The following SLC4A4 variants were observed in gnomAD, a reference collection of about 807,000 sequenced individuals.
The protein encoded by SLC4A4 is solute carrier family 4 member 4, also known as electrogenic sodium bicarbonate cotransporter 1.
A neutral mutation model predicts 111.5 loss-of-function variants in SLC4A4; 27 were observed. The ratio of observed to expected loss-of-function variants is 0.24; its 90% CI spans 0.18 to 0.33. The LOEUF (loss-of-function observed/expected upper bound fraction) is 0.33, where lower values mean the gene tolerates loss of function less well. Among genes scored for constraint, SLC4A4 ranks in the 10% least tolerant of loss-of-function variants. SLC4A4 has a pLI of 1.00. For missense variants in SLC4A4, 909 were observed against 1,315.5 expected, an observed-to-expected ratio of 0.69 and a Z score of 4.78; for synonymous variants, 443 against 463.4, an observed-to-expected ratio of 0.96 and a Z score of 0.57.
chr4:71,540,988 A>G (rs1164227283), intron 18 of SLC4A4, among the ~76,000 whole-genome samples: 1 of 152,046 alleles, frequency 6.6e-6, no homozygotes, highest in Non-Finnish European at 1.5e-5. Context: ...ACAGTTGGAA[A>G]TTTTTTTGTT....
chr4:71,370,248 G>A (rs1444911982), intron 6 of SLC4A4, among the ~76,000 whole-genome samples: 1 of 152,100 alleles, frequency 6.6e-6, no homozygotes, highest in Non-Finnish European at 1.5e-5. Flanking sequence ...GGCAGGACTT[G>A]AGCTTCATCA....
chr4:71,158,286 G>T (rs141964177), intron 2 of SLC4A4, among the ~76,000 whole-genome samples: 554 of 152,096 alleles, frequency 3.6e-3, no homozygotes, highest in African/African-American at 0.012. Flanking sequence ...CTGAATGAAA[G>T]GGCATGTCTG....
chr4:71,547,804 T>C (rs970684394), intron 20 of SLC4A4, 84 bp downstream of exon 20: 1 of 1,152,182 alleles, frequency 8.7e-7, no homozygotes, highest in Non-Finnish European at 1.3e-6. Context: ...CCTCATGAGA[T>C]ATTTGCGAGA....
chr4:71,481,451 T>A (rs779267444), intron 14 of SLC4A4, among the ~76,000 whole-genome samples: 19 of 151,672 alleles, frequency 1.3e-4, no homozygotes, highest in South Asian at 6.2e-4. Context: ...GATACTCCCC[T>A]ATGCAAGAGG....
intron 2 of SLC4A4, among the ~76,000 whole-genome samples, chr4:71,180,506 A>G (rs567755007): frequency 6.6e-6 from 1 of 152,298 alleles, no homozygotes; most frequent in South Asian, 2.1e-4. Flanking sequence ...AATTTACAAG[A>G]AAAAAACAAA....
rs72854411 is a variant in SLC4A4, at chr4:71,540,154, A to G, written c.2442+5766A>G. On this transcript the variant is annotated intron_variant, in intron 18 of 25. Coordinates refer to ENST00000264485, the MANE Select transcript of SLC4A4 (RefSeq NM_001098484.3). ...TCTGAGCCCCTTGGTGGGAGGAACC[A>G]TGTCATGGCTCTTAGTGTCCCCATA... 4.8e-3 allele frequency among the ~76,000 whole-genome samples: 725 copies of G among 152,250 alleles called. 3 individuals carry two copies. The highest frequency in any genetic ancestry group is 0.016 in the African/African-American group (680 of 41,558).
intron 6 of SLC4A4, among the ~76,000 whole-genome samples, chr4:71,361,144 G>A (rs766515599): frequency 3.1e-4 from 47 of 152,092 alleles, no homozygotes; most frequent in Non-Finnish European, 8.8e-5. Context: ...TCTATACTTG[G>A]TTGTGACAAT....
intron 3 of SLC4A4, among the ~76,000 whole-genome samples, chr4:71,307,210 T>C (rs1007531933): frequency 6.6e-6 from 1 of 152,234 alleles, no homozygotes; most frequent in South Asian, 2.1e-4. Flanking sequence ...AGGAACTTAC[T>C]ACAGTAGCTT....
At chr4:71,118,610 C>T (rs1463278034) in intron 2 of SLC4A4, among the ~76,000 whole-genome samples, 1 of 151,938 alleles carries the variant, frequency 6.6e-6, no homozygotes, top group Non-Finnish European at 1.5e-5. Context: ...GTAAAATGCT[C>T]CTATTTTTGC....
intron 8 of SLC4A4, 150 bp downstream of exon 8, chr4:71,440,923 G>A (rs2149058767): frequency 1.2e-6 from 1 of 855,314 alleles, no homozygotes; most frequent in Non-Finnish European, 1.9e-6. Context: ...CTTTTATACT[G>A]TCAAATTTCT....
intron 9 of SLC4A4, among the ~76,000 whole-genome samples, chr4:71,449,163 G>T (rs538216261): frequency 1.2e-4 from 18 of 152,084 alleles, no homozygotes; most frequent in Non-Finnish European, 2.5e-4. Flanking sequence ...CTAAATTTAT[G>T]ATCTTAAAAT....
chr4:71,550,143 G>A (rs988383165), intron 20 of SLC4A4, among the ~76,000 whole-genome samples: 6 of 151,902 alleles, frequency 3.9e-5, no homozygotes, highest in African/African-American at 1.2e-4. Context: ...TTTTGTTAAG[G>A]TTTTCCCCAA....
chr4:71,301,783 G>A (rs1315663649), intron 3 of SLC4A4, among the ~76,000 whole-genome samples: 1 of 152,190 alleles, frequency 6.6e-6, no homozygotes, highest in African/African-American at 2.4e-5. Flanking sequence ...CTTGAGGAAT[G>A]GGGAGGACAA....
intron 2 of SLC4A4, among the ~76,000 whole-genome samples, chr4:71,253,371 C>T (rs1411619280): frequency 6.6e-6 from 1 of 152,130 alleles, no homozygotes; most frequent in Non-Finnish European, 1.5e-5. Context: ...ATTTAAAAAA[C>T]CTTTCTATAT....
At chr4:71,403,480 T>C (rs185454217) in intron 7 of SLC4A4, among the ~76,000 whole-genome samples, 38 of 152,274 alleles carry the variant, frequency 2.5e-4, no homozygotes, top group Non-Finnish European at 5.0e-4. Flanking sequence ...AAGTGCTATC[T>C]TGAAAATAAA....
At chr4:71,304,327 G>A (rs1299919504) in intron 3 of SLC4A4, among the ~76,000 whole-genome samples, 1 of 152,190 alleles carries the variant, frequency 6.6e-6, no homozygotes, top group East Asian at 1.9e-4. Flanking sequence ...TGAGAATTGG[G>A]GGGCCAATGT....
intron 17 of SLC4A4, among the ~76,000 whole-genome samples, chr4:71,532,533 C>T (rs1276675897): frequency 6.6e-6 from 1 of 151,838 alleles, no homozygotes; most frequent in African/African-American, 2.4e-5. Flanking sequence ...TGAGACAGGG[C>T]CTTGCTCTGT....
chr4:71,441,193 C>CAT (rs748916729), intron 8 of SLC4A4, among the ~76,000 whole-genome samples: 143 of 152,218 alleles, frequency 9.4e-4, no homozygotes, highest in Admixed American at 6.1e-3. Flanking sequence ...TTTATACACA[C>CAT]ATATATATAT....
At chr4:71,168,259 G>A (rs547790300) in intron 2 of SLC4A4, among the ~76,000 whole-genome samples, 5 of 140,176 alleles carry the variant, frequency 3.6e-5, no homozygotes, top group South Asian at 4.5e-4. Flanking sequence ...TCGGTTCACC[G>A]TAACCTCCGC....
Sources: allele counts gnomAD v4.1 joint callset (sites outside exome capture counted in the v4.1 genomes callset), GRCh38; gene constraint gnomAD v4.1.1; transcripts MANE v1.5; gene names NCBI Gene and HGNC (gene_info 2026-07-23, HGNC 2026-07-21).